Variants in NAA25 observed in about 807,000 individuals in gnomAD.
The protein encoded by NAA25 is N-terminal acetyltransferase B complex subunit NAA25.
Under a neutral mutation model 132.5 loss-of-function variants are expected in NAA25, and 30 were observed. The ratio of observed to expected loss-of-function variants is 0.23; its 90% confidence interval spans 0.17 to 0.31. The LOEUF (loss-of-function observed/expected upper bound fraction) is 0.31. Ranked by LOEUF, NAA25 falls within the 10% of genes least tolerant of loss-of-function variation. NAA25 has a pLI of 1.00. For synonymous variants in NAA25, 359 were observed against 401.9 expected (o/e 0.89, Z 1.28); for missense variants, 771 against 1,150.4 (o/e 0.67, Z 4.77).
At chr12:112,071,479 G>A (rs1593796521) in intron 10 of NAA25, among the ~76,000 whole-genome samples, 1 of 152,172 alleles carries the variant, frequency 6.6e-6, no homozygotes, top group African/African-American at 2.4e-5. Flanking sequence ...CTACAGATGT[G>A]CGTCATTATG....
intron 1 of NAA25, among the ~76,000 whole-genome samples, chr12:112,102,672 T>G (rs962967264): frequency 1.3e-5 from 2 of 150,156 alleles, no homozygotes; most frequent in African/African-American, 4.9e-5. Flanking sequence ...GGTTCAAGCA[T>G]GCACCATCAC....
intron 5 of NAA25, among the ~76,000 whole-genome samples, chr12:112,080,464 G>C (rs532441136): frequency 1.1e-4 from 17 of 151,990 alleles, no homozygotes; most frequent in South Asian, 6.2e-4. Context: ...TTGAGGCCAG[G>C]AGTTCAAGAC....
chr12:112,074,062 A>G (rs1430192045), intron 9 of NAA25, among the ~76,000 whole-genome samples: 2 of 151,984 alleles, frequency 1.3e-5, no homozygotes, highest in East Asian at 1.9e-4. Flanking sequence ...GCCGGGCGCA[A>G]TGGCTCACAC....
intron 1 of NAA25, among the ~76,000 whole-genome samples, chr12:112,095,090 C>T (rs922670654): frequency 1.3e-5 from 2 of 151,996 alleles, no homozygotes; most frequent in Admixed American, 1.3e-4. Context: ...TAACTTGAGG[C>T]CAGAAGTACA....
intron 4 of NAA25, among the ~76,000 whole-genome samples, chr12:112,086,098 A>ACACACACACC (rs2079051728): frequency 7.5e-6 from 1 of 133,472 alleles, no homozygotes; most frequent in African/African-American, 3.0e-5. Context: ...ACACACACAC[A>ACACACACACC]CACACCCATA....
chr12:112,088,514 C>T (rs1045416342), intron 3 of NAA25, among the ~76,000 whole-genome samples: 2 of 151,240 alleles, frequency 1.3e-5, no homozygotes, highest in African/African-American at 2.4e-5. Context: ...GACAGTGTTT[C>T]GCCATGTTGC....
At chr12:112,060,435 G>A in intron 12 of NAA25, 76 bp from the exon 13 acceptor site, 9 of 945,656 alleles carry the variant, frequency 9.5e-6, no homozygotes, top group Non-Finnish European at 1.3e-5. Context: ...TTTAAAAGCA[G>A]GAAAGTGACA....
Position 112,066,774 on chromosome 12 carries a change from A to ACTG in NAA25, c.1149+2103_1149+2105dup, listed in dbSNP as rs542647013. On this transcript the variant is annotated intron_variant, in intron 11 of 23. Coordinates refer to ENST00000261745, the MANE Select transcript of NAA25 (RefSeq NM_024953.4). The stretch of plus-strand genomic sequence containing the variant: ...CAGTCATTTCAGAACCCCAGAGACC[A>ACTG]CTGGTTACTTATCAGTTGGGGAATG... Among the ~76,000 whole-genome samples the ACTG allele has an allele frequency of 1.6e-4, 24 of 152,262 alleles. No individual in the cohort carries two copies. The South Asian group carries it at 5.0e-3, about 32-fold the overall frequency.
At chr12:112,098,922 C>G (rs1414236491) in intron 1 of NAA25, among the ~76,000 whole-genome samples, 1 of 152,102 alleles carries the variant, frequency 6.6e-6, no homozygotes, top group Non-Finnish European at 1.5e-5. Context: ...TTTTCTAATA[C>G]TTCCTTTACA....
rs1052651806 is a variant in NAA25, at chr12:112,049,072, G to A, written c.1729-629C>T. On this transcript the variant is annotated intron_variant, in intron 15 of 23. Coordinates refer to ENST00000261745, the MANE Select transcript of NAA25 (RefSeq NM_024953.4). The surrounding 1 kb of genome is among the most constrained non-coding windows in gnomAD (Gnocchi z 4.7). ...AAAGACTTCAAGAACCAAGTTTCTT[G>A]TCCATCTACATTACGTAAGACCTCT... Among the ~76,000 whole-genome samples, 4 of 152,180 alleles carry A rather than the reference G, an allele frequency of 2.6e-5. No individual in the cohort carries two copies. Among genetic ancestry groups the A allele is most frequent in the African/African-American group, 9.7e-5 (4 of 41,432 alleles).
In NAA25 at chr12:112,060,363, T is replaced by TG. The variant is rs2078609364; in HGVS notation, c.1358-5dup. ...TCTGTTTTCAAACAGGTTTTCCCTA[T>TG]GGGGGAAAAAAATCATATCTATTTT... On this transcript the variant is annotated splice_polypyrimidine_tract_variant and splice_region_variant and intron_variant, in intron 12 of 23. Transcript: ENST00000261745. 6.3e-7 allele frequency: 1 copy of TG among 1,589,948 alleles called. No individual in the cohort carries two copies. The highest frequency in any genetic ancestry group is 1.7e-4 in the Middle Eastern group (1 of 6,010).
At chr12:112,093,233 A>C in intron 1 of NAA25, 97 bp from the exon 2 acceptor site, 1 of 761,342 alleles carries the variant, frequency 1.3e-6, no homozygotes, top group Admixed American at 2.2e-5. Context: ...AAAATATCTT[A>C]ATTTGCTATA....
chr12:112,090,599 G>C (rs1389585990), intron 3 of NAA25, 127 bp downstream of exon 3: 1 of 850,420 alleles, frequency 1.2e-6, no homozygotes, highest in Non-Finnish European at 1.8e-6. Context: ...GCAAACCCTG[G>C]CTAATGCGTT....
At chr12:112,101,933 C>G (rs1185453285) in intron 1 of NAA25, among the ~76,000 whole-genome samples, 1 of 149,816 alleles carries the variant, frequency 6.7e-6, no homozygotes, top group African/African-American at 2.5e-5. Context: ...GTGGTGCAAT[C>G]CCGGCTCACT....
At chr12:112,064,824 C>A (rs1033188558) in intron 11 of NAA25, among the ~76,000 whole-genome samples, 3 of 151,404 alleles carry the variant, frequency 2.0e-5, no homozygotes, top group African/African-American at 7.3e-5. Flanking sequence ...CACTTGAGGT[C>A]GGGAGTTCGA....
At chr12:112,086,102 A>ACACACACACACC (rs796241170) in intron 4 of NAA25, among the ~76,000 whole-genome samples, 1,710 of 120,698 alleles carry the variant, frequency 0.014, 47 homozygotes, top group East Asian at 0.04. Context: ...ACACACACAC[A>ACACACACACACC]CCCATAACCA....
At chr12:112,081,249 G>T in intron 4 of NAA25, 115 bp from the exon 5 acceptor site, 1 of 822,750 alleles carries the variant, frequency 1.2e-6, no homozygotes, top group Non-Finnish European at 2.0e-6. Context: ...ACATATCCCA[G>T]TTAGTGTAAA....
chr12:112,034,137 T>C (rs763138966), intron 22 of NAA25: 1 of 152,192 alleles, frequency 6.6e-6, no homozygotes, highest in Non-Finnish European at 1.5e-5. Flanking sequence ...TATATATGCA[T>C]ATACATTTAT....
rs1201615621 is a variant in NAA25 at position 112,028,449 on chromosome 12, T to TA, written c.*1081dup. ...GTGAACAAAGTAAACACCATCCTGTTATAATTCTCTAAGTTTGAAGAAAGT... is the reference window on the plus strand; with the variant it reads ...GTGAACAAAGTAAACACCATCCTGTTAATAATTCTCTAAGTTTGAAGAAAGT... On this transcript the variant is annotated 3_prime_UTR_variant, in exon 24 of 24. Coordinates refer to ENST00000261745, the MANE Select transcript of NAA25 (RefSeq NM_024953.4). The TA allele has an allele frequency of 6.6e-6, 1 of 152,378 alleles. No homozygotes were observed. The highest frequency in any genetic ancestry group is 1.5e-5 in the Non-Finnish European group (1 of 68,042). The allele number at this position is 152,378 out of a possible 1,614,324, so 9.4% of individuals were successfully genotyped here. A position where few individuals can be genotyped will look rare whatever the true frequency, so the allele number is the denominator to read the frequency against.
Sources: allele counts gnomAD v4.1 joint callset (sites outside exome capture counted in the v4.1 genomes callset), GRCh38; gene constraint gnomAD v4.1.1; non-coding constraint Gnocchi (gnomAD v3.1); transcripts MANE v1.5; gene names NCBI Gene and HGNC (gene_info 2026-07-23, HGNC 2026-07-21).